The following GRID1 variants were observed in gnomAD, a reference collection of about 807,000 sequenced individuals.
The protein encoded by GRID1 is glutamate ionotropic receptor delta type subunit 1.
GRID1 carries 28 observed loss-of-function variants against 98.0 expected under a neutral mutation model. The ratio of observed to expected loss-of-function variants is 0.29; its 90% CI spans 0.21 to 0.39. The LOEUF is 0.39. Among genes scored for constraint, GRID1 ranks in the 10% least tolerant of loss-of-function variants. The probability of loss-of-function intolerance (pLI) is 1.00; values close to 1 mark genes in which losing one functional copy is unlikely to be tolerated. For synonymous variants in GRID1, 553 were observed against 538.5 expected (o/e 1.03, Z -0.37); for missense variants, 1,111 against 1,340.5 (o/e 0.83, Z 2.67).
At chr10:86,157,068 C>T (rs1044625935) in intron 3 of GRID1, among the ~76,000 whole-genome samples, 3 of 152,120 alleles carry the variant, frequency 2.0e-5, no homozygotes, top group Non-Finnish European at 2.9e-5. Context: ...GGCTTGGAGG[C>T]TTCCAAACAG....
At chr10:85,954,828 G>A (rs1172368211) in intron 4 of GRID1, among the ~76,000 whole-genome samples, 2 of 152,192 alleles carry the variant, frequency 1.3e-5, no homozygotes, top group African/African-American at 4.8e-5. Flanking sequence ...TGATCTAGAA[G>A]AAGTCACTTA....
At chr10:85,820,248 T>C (rs907266026) in intron 8 of GRID1, among the ~76,000 whole-genome samples, 2 of 151,828 alleles carry the variant, frequency 1.3e-5, no homozygotes, top group African/African-American at 4.8e-5. Flanking sequence ...CTCTTCAAAA[T>C]TGACAAGGTC....
At chr10:85,653,698 C>A (rs761018224) in intron 12 of GRID1, among the ~76,000 whole-genome samples, 5 of 152,238 alleles carry the variant, frequency 3.3e-5, no homozygotes, top group South Asian at 4.1e-4. Context: ...AATGGATTAA[C>A]CCAATCATGG....
At chr10:86,340,522 G>A (rs1209542990) in intron 2 of GRID1, among the ~76,000 whole-genome samples, 1 of 152,150 alleles carries the variant, frequency 6.6e-6, no homozygotes, top group Non-Finnish European at 1.5e-5. Flanking sequence ...CGTCCACAAG[G>A]GGAATATCAA....
intron 4 of GRID1, among the ~76,000 whole-genome samples, chr10:86,020,391 A>C (rs1843034090): frequency 6.6e-6 from 1 of 152,172 alleles, no homozygotes; most frequent in Non-Finnish European, 1.5e-5. Flanking sequence ...CTGGATGTGC[A>C]GGAGTCGACA....
At chr10:86,021,290 C>T (rs940240421) in intron 4 of GRID1, among the ~76,000 whole-genome samples, 2 of 152,118 alleles carry the variant, frequency 1.3e-5, no homozygotes, top group Admixed American at 6.5e-5. Context: ...CAGGTGTCTC[C>T]TCCCTCCAGC....
chr10:86,329,263 G>A (rs1285243623), intron 2 of GRID1, among the ~76,000 whole-genome samples: 1 of 152,214 alleles, frequency 6.6e-6, no homozygotes, highest in Non-Finnish European at 1.5e-5. Flanking sequence ...GGGTCCACAA[G>A]GTTGCCTTGG....
rs79516721 is a variant in GRID1, at chr10:85,740,089, C to T, written c.1234-10475G>A. Among the ~76,000 whole-genome samples, 920 of 152,226 alleles carry T rather than the reference C, an allele frequency of 6.0e-3. 40 individuals are homozygous for T. Among genetic ancestry groups the T allele is most frequent in the Admixed American group, 0.056 (852 of 15,290 alleles). Reference sequence around the variant, plus strand: ...TAGCTTATGACTGTAATGTTGATTTCGTACCTCTCTTTAATTGTTTCAGGT... The same window carrying T: ...TAGCTTATGACTGTAATGTTGATTTTGTACCTCTCTTTAATTGTTTCAGGT... On this transcript the variant is annotated intron_variant, in intron 8 of 15. Coordinates refer to ENST00000327946, the MANE Select transcript of GRID1 (RefSeq NM_017551.3).
chr10:86,034,245 CAT>C (rs1491171516), intron 4 of GRID1, among the ~76,000 whole-genome samples: 17 of 152,044 alleles, frequency 1.1e-4, no homozygotes, highest in African/African-American at 3.6e-4. Flanking sequence ...TGTTAAATTC[CAT>C]GTGTGTGTGT....
chr10:85,647,981 A>C (rs1228399054), intron 12 of GRID1: 1 of 152,290 alleles, frequency 6.6e-6, no homozygotes, highest in Non-Finnish European at 1.5e-5. Context: ...GGGTCTAGCC[A>C]AGTATTGACT....
At chr10:86,137,766 G>C (rs1057340402) in intron 4 of GRID1, among the ~76,000 whole-genome samples, 2 of 152,174 alleles carry the variant, frequency 1.3e-5, no homozygotes, top group Non-Finnish European at 2.9e-5. Flanking sequence ...GATTAGCAGA[G>C]AGCATCAGGG....
intron 2 of GRID1, among the ~76,000 whole-genome samples, chr10:86,232,891 GC>G (rs1261171288): frequency 6.6e-6 from 1 of 152,142 alleles, no homozygotes; most frequent in African/African-American, 2.4e-5. Context: ...GCAACTTCAA[GC>G]TTTCCCAAGA....
chr10:86,204,681 G>A (rs1177284479), intron 3 of GRID1, among the ~76,000 whole-genome samples: 2 of 152,206 alleles, frequency 1.3e-5, no homozygotes, highest in East Asian at 1.9e-4. Flanking sequence ...CAGCGGCTGA[G>A]GCTCCCATCA....
chr10:85,777,408 CT>C (rs1288207317), intron 8 of GRID1, among the ~76,000 whole-genome samples: 1 of 152,176 alleles, frequency 6.6e-6, no homozygotes, highest in African/African-American at 2.4e-5. Flanking sequence ...CATTGGTATC[CT>C]TGGAAGACTT....
intron 4 of GRID1, among the ~76,000 whole-genome samples, chr10:86,067,312 G>A (rs1045077277): frequency 6.6e-6 from 1 of 152,170 alleles, no homozygotes; most frequent in African/African-American, 2.4e-5. Context: ...ATTTGGAACT[G>A]ATCCTGAGAC....
intron 13 of GRID1, among the ~76,000 whole-genome samples, chr10:85,628,429 C>T (rs1187311667): frequency 1.3e-5 from 2 of 152,000 alleles, no homozygotes; most frequent in East Asian, 1.9e-4. Context: ...TGTGTATTAT[C>T]GTGAGCACCA....
At chr10:85,795,104 A>G (rs1590235366) in intron 8 of GRID1, among the ~76,000 whole-genome samples, 1 of 152,230 alleles carries the variant, frequency 6.6e-6, no homozygotes, top group East Asian at 1.9e-4. Context: ...GTAGATGGAT[A>G]TGGATCGAGA....
chr10:86,128,998 G>T (rs1344350622), intron 4 of GRID1, among the ~76,000 whole-genome samples: 1 of 152,240 alleles, frequency 6.6e-6, no homozygotes, highest in East Asian at 1.9e-4. Context: ...GCCACATGGT[G>T]AGAAAGCGGG....
rs560765049 is a variant in GRID1 at position 85,978,024 on chromosome 10, T to C, written c.727-61785A>G. Among the ~76,000 whole-genome samples the C allele has an allele frequency of 1.2e-4, 18 of 152,320 alleles. No homozygotes were observed. The East Asian group carries it at 3.3e-3, about 28-fold the overall frequency. ...AGGGCCAAAAGAGCCTGAGAATGTA[T>C]CCAGCTCTCTGAAAACATACTACTA... On this transcript the variant is annotated intron_variant, in intron 4 of 15. Coordinates refer to ENST00000327946, the MANE Select transcript of GRID1 (RefSeq NM_017551.3).
Sources: gnomAD v4.1 joint callset for allele counts (sites outside exome capture counted in the v4.1 genomes callset) on GRCh38, gnomAD v4.1.1 for gene constraint, MANE v1.5 for transcripts, NCBI Gene and HGNC (gene_info 2026-07-23, HGNC 2026-07-21) for gene names.